The following OPHN1 variants were observed in gnomAD, a reference collection of about 807,000 sequenced individuals.
OPHN1 encodes oligophrenin-1.
In OPHN1, 11 loss-of-function variants were observed where a neutral mutation model predicts 60.7. The ratio of observed to expected loss-of-function variants is 0.18; its 90% CI spans 0.11 to 0.30. OPHN1 has a LOEUF of 0.30. OPHN1 is among the 10% of genes least tolerant of loss of function. The pLI, the probability that OPHN1 is intolerant of heterozygous loss-of-function variation, is 1.00. For synonymous variants in OPHN1, 226 were observed against 222.6 expected, an observed-to-expected ratio of 1.02 and a Z score of -0.14; for missense variants, 449 against 611.0, an observed-to-expected ratio of 0.73 and a Z score of 2.80.
intron 2 of OPHN1, among the ~76,000 whole-genome samples, chrX:68,402,478 T>G (rs911280474): frequency 9.0e-6 from 1 of 111,540 alleles, no homozygotes; most frequent in African/African-American, 3.3e-5. Context: ...ACAAATACCA[T>G]GAACCAAAAT....
chrX:68,196,690 A>G (rs1449193378), intron 12 of OPHN1, among the ~76,000 whole-genome samples: 2 of 112,067 alleles, frequency 1.8e-5, no homozygotes. Context: ...CAGGATGGCA[A>G]TGCCATCTCC....
Position 68,354,484 on chromosome X carries a change from G to A in OPHN1, c.155-55388C>T, listed in dbSNP as rs775124020. Among the ~76,000 whole-genome samples the A allele has an allele frequency of 1.7e-3, 169 of 97,295 alleles. 1 individual carries two copies. The highest frequency in any genetic ancestry group is 6.1e-3 in the African/African-American group (160 of 26,134). The allele number at this position is 97,295 out of a possible 115,157, so 84.5% of individuals were successfully genotyped here. ...AAAAAAAAAAAAAAAAAAGTCGGGCGCGGTGGCTCATGCCTGTAATCCCAG... is the reference window on the plus strand; with the variant it reads ...AAAAAAAAAAAAAAAAAAGTCGGGCACGGTGGCTCATGCCTGTAATCCCAG... On this transcript the variant is annotated intron_variant, in intron 2 of 24. Transcript: ENST00000355520.
chrX:68,237,485 A>C (rs1386138742), intron 5 of OPHN1, among the ~76,000 whole-genome samples: 1 of 111,804 alleles, frequency 8.9e-6, no homozygotes, highest in Non-Finnish European at 1.9e-5. Flanking sequence ...TCAATTCATG[A>C]ACACAGCTTG....
chrX:68,194,740 AG>A (rs1351794623), intron 12 of OPHN1, among the ~76,000 whole-genome samples: 1 of 110,724 alleles, frequency 9.0e-6, no homozygotes, highest in Non-Finnish European at 1.9e-5. Flanking sequence ...AGGCCAAGGC[AG>A]GCAGATCACT....
chrX:68,296,069 T>G (rs1290392638), intron 3 of OPHN1, among the ~76,000 whole-genome samples: 2 of 111,161 alleles, frequency 1.8e-5, no homozygotes, highest in Admixed American at 1.9e-4. Context: ...AGCCTCCCAG[T>G]AGGGTCCCCA....
intron 20 of OPHN1, among the ~76,000 whole-genome samples, chrX:68,064,954 G>T (rs2076907680): frequency 9.0e-6 from 1 of 110,796 alleles, no homozygotes; most frequent in African/African-American, 3.3e-5. Context: ...AGAACACTTG[G>T]ACACACGAAG....
chrX:68,123,205 T>C (rs1382190993), intron 15 of OPHN1, among the ~76,000 whole-genome samples: 1 of 111,378 alleles, frequency 9.0e-6, no homozygotes, highest in African/African-American at 3.3e-5. Flanking sequence ...GAAAAACTCT[T>C]ACCCTAGAAT....
intron 15 of OPHN1, among the ~76,000 whole-genome samples, chrX:68,130,978 A>G (rs1277582312): frequency 5.4e-5 from 6 of 110,952 alleles, no homozygotes; most frequent in African/African-American, 2.0e-4. Flanking sequence ...CTTTCTATGC[A>G]GTTGTCAAAA....
chrX:68,226,639 A>G (rs1408732949), intron 6 of OPHN1, among the ~76,000 whole-genome samples: 1 of 111,411 alleles, frequency 9.0e-6, no homozygotes. Context: ...TAAGCTTCAT[A>G]AGTAAAGGCG....
intron 19 of OPHN1, among the ~76,000 whole-genome samples, chrX:68,094,538 A>G (rs1048817028): frequency 2.7e-5 from 3 of 111,037 alleles, no homozygotes; most frequent in Non-Finnish European, 5.7e-5. Flanking sequence ...TGAGTCTTCC[A>G]CTCCATGAAC....
chrX:68,268,746 T>C (rs1328709445), intron 5 of OPHN1, among the ~76,000 whole-genome samples: 2 of 111,219 alleles, frequency 1.8e-5, no homozygotes, highest in African/African-American at 6.5e-5. Flanking sequence ...GCAAGGGCAA[T>C]CAGGCAGGAG....
chrX:68,309,401 G>A (rs1046154112), intron 2 of OPHN1, among the ~76,000 whole-genome samples: 1 of 111,733 alleles, frequency 8.9e-6, no homozygotes, highest in Non-Finnish European at 1.9e-5. Flanking sequence ...AAACATGTGT[G>A]TATTTTTAAA....
chrX:68,255,018 A>G (rs1246115698), intron 5 of OPHN1, among the ~76,000 whole-genome samples: 1 of 80,242 alleles, frequency 1.2e-5, no homozygotes, highest in Non-Finnish European at 2.1e-5. Flanking sequence ...CTGCCTCAAG[A>G]AAAAAAAAAA....
chrX:68,141,166 G>C (rs778003404), intron 15 of OPHN1, among the ~76,000 whole-genome samples: 2 of 111,466 alleles, frequency 1.8e-5, no homozygotes, highest in African/African-American at 3.3e-5. Context: ...GCCCACAAAG[G>C]GGGTAAAGGT....
chrX:68,084,258 A>T (rs1194131177), intron 19 of OPHN1, among the ~76,000 whole-genome samples: 1 of 104,261 alleles, frequency 9.6e-6, no homozygotes, highest in African/African-American at 3.5e-5. Flanking sequence ...AATTATCATG[A>T]ACCCTAAAAA....
intron 7 of OPHN1, among the ~76,000 whole-genome samples, chrX:68,213,047 T>C (rs186871208): frequency 8.0e-5 from 9 of 112,367 alleles, no homozygotes; most frequent in East Asian, 2.8e-4. Context: ...ACAACATATA[T>C]TGGTGTAAAT....
intron 23 of OPHN1, among the ~76,000 whole-genome samples, chrX:68,051,959 G>A (rs2076853509): frequency 8.9e-6 from 1 of 112,119 alleles, no homozygotes; most frequent in South Asian, 3.7e-4. Context: ...GGGGACACAG[G>A]CAAAGAAACA....
chrX:68,333,833 C>G (rs192244802), intron 2 of OPHN1, among the ~76,000 whole-genome samples: 82 of 109,622 alleles, frequency 7.5e-4, no homozygotes, highest in African/African-American at 2.7e-3. Flanking sequence ...TCTGAGAGCT[C>G]CTAATCACAC....
chrX:68,407,462 G>T (rs1407664037), intron 2 of OPHN1, among the ~76,000 whole-genome samples: 1 of 111,479 alleles, frequency 9.0e-6, no homozygotes, highest in Non-Finnish European at 1.9e-5. Flanking sequence ...GAGTCAAAAG[G>T]CCAACATTTA....
Sources: gnomAD v4.1 joint callset for allele counts (sites outside exome capture counted in the v4.1 genomes callset) on GRCh38, gnomAD v4.1.1 for gene constraint, MANE v1.5 for transcripts, NCBI Gene and HGNC (gene_info 2026-07-23, HGNC 2026-07-21) for gene names.